NDST4: variants seen among roughly 807,000 people sequenced by gnomAD.
The protein encoded by NDST4 is N-heparan sulfate sulfotransferase 4.
A neutral mutation model predicts 100.8 loss-of-function variants in NDST4; 63 were observed. That is an observed-to-expected ratio of 0.62 (90% CI 0.51 to 0.77). NDST4 has a LOEUF of 0.77. NDST4 is among the 30% of genes least tolerant of loss of function. NDST4 has a pLI of 0.00. For synonymous variants in NDST4, 377 were observed against 361.8 expected, an observed-to-expected ratio of 1.04 and a Z score of -0.48; for missense variants, 943 against 1,018.4, an observed-to-expected ratio of 0.93 and a Z score of 1.01.
At chr4:114,949,878 C>T (rs1028722876) in intron 4 of NDST4, among the ~76,000 whole-genome samples, 14 of 151,922 alleles carry the variant, frequency 9.2e-5, no homozygotes, top group African/African-American at 3.1e-4. Context: ...GAAGTGACGT[C>T]CCAGGATTTA....
chr4:115,005,479 A>G (rs1385307947), intron 2 of NDST4, among the ~76,000 whole-genome samples: 1 of 152,116 alleles, frequency 6.6e-6, no homozygotes, highest in Non-Finnish European at 1.5e-5. Flanking sequence ...GGAAGAAAGC[A>G]TGTCTGAGGT....
At chr4:115,047,530 C>A (rs1474584979) in intron 2 of NDST4, among the ~76,000 whole-genome samples, 1 of 151,902 alleles carries the variant, frequency 6.6e-6, no homozygotes, top group Admixed American at 6.6e-5. Flanking sequence ...TAAATTACAT[C>A]CATTTGATTT....
intron 2 of NDST4, among the ~76,000 whole-genome samples, chr4:115,039,352 A>G (rs1258149520): frequency 1.3e-5 from 2 of 152,104 alleles, no homozygotes; most frequent in African/African-American, 4.8e-5. Context: ...TTTAGCCTAA[A>G]ATCTGTAGAG....
intron 4 of NDST4, among the ~76,000 whole-genome samples, chr4:114,939,847 ATATAAT>A (rs1725710849): frequency 6.6e-6 from 1 of 152,168 alleles, no homozygotes; most frequent in Non-Finnish European, 1.5e-5. Context: ...ATATCACACT[ATATAAT>A]TATGAGTTTA....
intron 6 of NDST4, among the ~76,000 whole-genome samples, chr4:114,916,570 G>C (rs866151360): frequency 6.7e-6 from 1 of 149,212 alleles, no homozygotes. Context: ...GTGTGTGTGT[G>C]TGTGTGTGTG....
chr4:114,900,406 T>G (rs1724810702), intron 6 of NDST4, among the ~76,000 whole-genome samples: 1 of 150,974 alleles, frequency 6.6e-6, no homozygotes, highest in Non-Finnish European at 1.5e-5. Flanking sequence ...TTAGATTGAT[T>G]CTAGATCATT....
At chr4:115,084,403 C>T (rs1219317827) in intron 1 of NDST4, among the ~76,000 whole-genome samples, 1 of 152,150 alleles carries the variant, frequency 6.6e-6, no homozygotes, top group Non-Finnish European at 1.5e-5. Context: ...GAAATTCAAG[C>T]CTGCTGCAGA....
intron 1 of NDST4, among the ~76,000 whole-genome samples, chr4:115,108,367 A>G (rs1729874880): frequency 6.6e-6 from 1 of 152,028 alleles, no homozygotes; most frequent in South Asian, 2.1e-4. Context: ...TCAGCAGTCT[A>G]CAACTGAATT....
intron 1 of NDST4, among the ~76,000 whole-genome samples, chr4:115,086,574 A>G (rs553083687): frequency 6.6e-6 from 1 of 152,220 alleles, no homozygotes; most frequent in East Asian, 1.9e-4. Context: ...ATAATATTAT[A>G]TTGTAACATA....
At chr4:114,880,166 C>T (rs1392608111) in intron 6 of NDST4, among the ~76,000 whole-genome samples, 1 of 152,136 alleles carries the variant, frequency 6.6e-6, no homozygotes, top group Non-Finnish European at 1.5e-5. Context: ...TTTTCTTGTA[C>T]ATTAATAAAG....
Position 114,845,939 on chromosome 4 carries a change from T to A in NDST4, c.1999A>T (p.Ser667Cys). 1 of 1,614,010 alleles carries A rather than the reference T, an allele frequency of 6.2e-7. No individual in the cohort carries two copies. The highest frequency in any genetic ancestry group is 1.1e-5 in the South Asian group (1 of 91,078). ...TCTTCCGAATGGAAGTAATTAGCAC[T>A]CTTTTCAAACAGAAAGTCACTTGTA... is the stretch of plus-strand genomic sequence containing the variant. ...NTTSDFLFEK[S>C]ANYFHSEEAP... Residue 667 changes from serine (S) to cysteine (C), a missense_variant, in exon 10 of 14, where the codon AGT becomes TGT. By Grantham distance (112) the Ser-to-Cys change is moderately radical. Transcript: ENST00000264363.
intron 2 of NDST4, among the ~76,000 whole-genome samples, chr4:115,041,516 T>A (rs1263448672): frequency 6.6e-6 from 1 of 152,128 alleles, no homozygotes; most frequent in Non-Finnish European, 1.5e-5. Context: ...AGGTGATTTC[T>A]GGTTAGCTGT....
At chr4:115,102,452 A>G (rs1729749875) in intron 1 of NDST4, among the ~76,000 whole-genome samples, 1 of 152,154 alleles carries the variant, frequency 6.6e-6, no homozygotes, top group African/African-American at 2.4e-5. Flanking sequence ...GATAACAGTA[A>G]TCAAATTTTC....
chr4:114,933,958 C>T (rs1725569865), intron 6 of NDST4, among the ~76,000 whole-genome samples: 1 of 152,116 alleles, frequency 6.6e-6, no homozygotes, highest in Admixed American at 6.5e-5. Flanking sequence ...TCCTTCAAAA[C>T]TACCATATGA....
intron 6 of NDST4, among the ~76,000 whole-genome samples, chr4:114,874,629 C>T (rs918684874): frequency 2.6e-5 from 4 of 152,138 alleles, no homozygotes; most frequent in Non-Finnish European, 5.9e-5. Flanking sequence ...CTAAAATCAC[C>T]TATTGTGCAG....
chr4:114,877,697 C>T (rs1392480501), intron 6 of NDST4, among the ~76,000 whole-genome samples: 1 of 152,070 alleles, frequency 6.6e-6, no homozygotes, highest in African/African-American at 2.4e-5. Flanking sequence ...GCCTGTAATC[C>T]CAGCACTTTG....
At chr4:114,868,638 T>C (rs945968747) in intron 7 of NDST4, among the ~76,000 whole-genome samples, 1 of 151,948 alleles carries the variant, frequency 6.6e-6, no homozygotes, top group Admixed American at 6.6e-5. Context: ...TGATATTTAG[T>C]TAACAAAAAT....
intron 12 of NDST4, 25 bp downstream of exon 12, chr4:114,833,581 A>T (rs1162331508): frequency 7.0e-7 from 1 of 1,432,330 alleles, no homozygotes; most frequent in African/African-American, 1.4e-5. Flanking sequence ...AATGGAAATG[A>T]AATCAAGCAT....
intron 4 of NDST4, among the ~76,000 whole-genome samples, chr4:114,939,538 A>T (rs1466200137): frequency 2.6e-5 from 4 of 152,178 alleles, no homozygotes; most frequent in African/African-American, 9.7e-5. Context: ...CTAGAAGGTT[A>T]GATGAAGTAT....
Sources: gnomAD v4.1 joint callset for allele counts (sites outside exome capture counted in the v4.1 genomes callset) on GRCh38, gnomAD v4.1.1 for gene constraint, MANE v1.5 for transcripts, NCBI Gene and HGNC (gene_info 2026-07-23, HGNC 2026-07-21) for gene names.